The following APP variants were observed in gnomAD, a reference collection of about 807,000 sequenced individuals.
The protein encoded by APP is amyloid beta precursor protein, also known as amyloid-beta precursor protein.
A neutral mutation model predicts 101.4 loss-of-function variants in APP; 31 were observed. That is an observed-to-expected ratio of 0.31 (90% CI 0.23 to 0.41). The LOEUF (loss-of-function observed/expected upper bound fraction) is 0.41. APP is among the 10% of genes least tolerant of loss of function. The pLI, the probability that APP is intolerant of heterozygous loss-of-function variation, is 1.00. For missense variants in APP, 839 were observed against 1,003.7 expected (o/e 0.84, Z 2.22); for synonymous variants, 366 against 364.4 (o/e 1.00, Z -0.05).
chr21:26,161,083 C>G (rs1041780065), intron 1 of APP, among the ~76,000 whole-genome samples: 34 of 152,178 alleles, frequency 2.2e-4, no homozygotes, highest in Non-Finnish European at 7.3e-5. Flanking sequence ...TTTATCACCA[C>G]AACATAGAAT....
At chr21:25,917,044 C>T (rs1469937368) in intron 13 of APP, among the ~76,000 whole-genome samples, 7 of 152,032 alleles carry the variant, frequency 4.6e-5, no homozygotes, top group Non-Finnish European at 5.9e-5. Flanking sequence ...GGGTGGATCA[C>T]GAGGTCAGGA....
intron 13 of APP, among the ~76,000 whole-genome samples, chr21:25,940,523 A>T (rs979989762): frequency 6.6e-6 from 1 of 152,202 alleles, no homozygotes; most frequent in African/African-American, 2.4e-5. Flanking sequence ...TTACATTTTC[A>T]TTGGTATTAA....
At chr21:25,947,012 T>G (rs1172750181) in intron 13 of APP, among the ~76,000 whole-genome samples, 1 of 152,230 alleles carries the variant, frequency 6.6e-6, no homozygotes, top group East Asian at 1.9e-4. Flanking sequence ...TGTATTCTTT[T>G]TAATGTAGCT....
intron 5 of APP, among the ~76,000 whole-genome samples, chr21:26,047,527 C>T (rs566291780): frequency 2.6e-5 from 4 of 152,280 alleles, no homozygotes; most frequent in East Asian, 1.9e-4. Context: ...AAGCCCTGCC[C>T]GCCTGCAGGG....
chr21:26,012,339 T>C (rs777206608), intron 6 of APP, among the ~76,000 whole-genome samples: 7 of 151,960 alleles, frequency 4.6e-5, no homozygotes, highest in African/African-American at 1.7e-4. Context: ...AAAGTCTCAA[T>C]GTTTACAATT....
intron 3 of APP, among the ~76,000 whole-genome samples, chr21:26,077,541 C>T (rs2061520454): frequency 6.6e-6 from 1 of 152,164 alleles, no homozygotes; most frequent in African/African-American, 2.4e-5. Context: ...AATACTGTAT[C>T]TTTCCCAAAC....
At chr21:26,110,714 C>A (rs1401139909) in intron 2 of APP, among the ~76,000 whole-genome samples, 3 of 152,060 alleles carry the variant, frequency 2.0e-5, no homozygotes, top group South Asian at 2.1e-4. Flanking sequence ...ATAAAAGGAT[C>A]TCAATAGAAT....
intron 1 of APP, among the ~76,000 whole-genome samples, chr21:26,129,684 A>G (rs946550366): frequency 2.6e-5 from 4 of 152,218 alleles, no homozygotes; most frequent in African/African-American, 4.8e-5. Flanking sequence ...CAATAAGTGA[A>G]TAAGAACTAA....
At chr21:26,124,715 G>C (rs2062645749) in intron 1 of APP, among the ~76,000 whole-genome samples, 1 of 152,232 alleles carries the variant, frequency 6.6e-6, no homozygotes, top group Admixed American at 6.5e-5. Context: ...GATTGTTGAT[G>C]GCTAAGCAAA....
At chr21:25,984,458 T>A (rs2042562964) in intron 8 of APP, among the ~76,000 whole-genome samples, 1 of 152,178 alleles carries the variant, frequency 6.6e-6, no homozygotes, top group Admixed American at 6.5e-5. Context: ...AAATTGTTAA[T>A]TTGTAAGATT....
chr21:25,958,144 A>G (rs542697101), intron 11 of APP, among the ~76,000 whole-genome samples: 48 of 152,328 alleles, frequency 3.2e-4, no homozygotes, highest in African/African-American at 1.1e-3. Context: ...CCATGGCCCC[A>G]GGCTGGCCTT....
At chr21:26,078,049 G>A (rs1175226236) in intron 3 of APP, among the ~76,000 whole-genome samples, 1 of 151,912 alleles carries the variant, frequency 6.6e-6, no homozygotes, top group Non-Finnish European at 1.5e-5. Context: ...TCTTTATGTC[G>A]TTTCTTATAT....
At chr21:25,979,835 C>T (rs2042359853) in intron 9 of APP, among the ~76,000 whole-genome samples, 1 of 376 alleles carries the variant, frequency 2.7e-3, no homozygotes, top group Non-Finnish European at 5.4e-3. Flanking sequence ...TACAGTGGGT[C>T]CACGATGAAT....
chr21:26,042,753 A>C (rs968951462), intron 5 of APP, among the ~76,000 whole-genome samples: 1 of 152,044 alleles, frequency 6.6e-6, no homozygotes, highest in African/African-American at 2.4e-5. Flanking sequence ...AAAAATAAAT[A>C]AATCAAAATA....
At chr21:25,953,569 G>A (rs191380378) in intron 13 of APP, among the ~76,000 whole-genome samples, 51 of 152,262 alleles carry the variant, frequency 3.3e-4, no homozygotes, top group African/African-American at 1.1e-3. Context: ...GATTCTTTAT[G>A]GGGAAGGATA....
intron 3 of APP, among the ~76,000 whole-genome samples, chr21:26,082,047 A>T (rs889074278): frequency 6.6e-6 from 1 of 152,096 alleles, no homozygotes; most frequent in Non-Finnish European, 1.5e-5. Flanking sequence ...ATGAAACCCC[A>T]TCTCTACTAA....
intron 1 of APP, among the ~76,000 whole-genome samples, chr21:26,113,789 G>A (rs2062377873): frequency 6.6e-6 from 1 of 152,102 alleles, no homozygotes; most frequent in African/African-American, 2.4e-5. Flanking sequence ...CTTTCCTGAG[G>A]GATTAAGAGG....
chr21:25,956,740 G>A (rs2146497293), intron 11 of APP, among the ~76,000 whole-genome samples: 1 of 152,288 alleles, frequency 6.6e-6, no homozygotes, highest in South Asian at 2.1e-4. Context: ...TGGGGCGGGT[G>A]GTAATGGAGC....
intron 3 of APP, among the ~76,000 whole-genome samples, chr21:26,059,877 C>A (rs534673485): frequency 9.6e-6 from 1 of 104,174 alleles, no homozygotes; most frequent in Non-Finnish European, 1.7e-5. Context: ...AGCGAAAGAG[C>A]GAGACTCCGT....
Sources: allele counts gnomAD v4.1 joint callset (sites outside exome capture counted in the v4.1 genomes callset), GRCh38; gene constraint gnomAD v4.1.1; transcripts MANE v1.5; gene names NCBI Gene and HGNC (gene_info 2026-07-23, HGNC 2026-07-21).